Variants in CEP192 observed in about 807,000 individuals in gnomAD.
The protein encoded by CEP192 is centrosomal protein 192, also known as centrosomal protein of 192 kDa.
In CEP192, 151 loss-of-function variants were observed where a neutral mutation model predicts 271.8. The ratio of observed to expected loss-of-function variants is 0.56; its 90% CI spans 0.49 to 0.64. The LOEUF (loss-of-function observed/expected upper bound fraction) is 0.64. Ranked by LOEUF, CEP192 falls within the 30% of genes least tolerant of loss-of-function variation. The pLI is 0.00. For missense variants in CEP192, 2,910 were observed against 3,020.5 expected (o/e 0.96, Z 0.86); for synonymous variants, 995 against 1,076.5 (o/e 0.92, Z 1.48).
At chr18:13,003,458 A>G (rs1483557722) in intron 3 of CEP192, among the ~76,000 whole-genome samples, 1 of 147,210 alleles carries the variant, frequency 6.8e-6, no homozygotes, top group Non-Finnish European at 1.5e-5. Context: ...CAAGAAAAAA[A>G]AAAAAAAAAA....
intron 9 of CEP192, chr18:13,024,333 T>C (rs1414542513): frequency 6.6e-6 from 3 of 456,382 alleles, no homozygotes; most frequent in African/African-American, 2.0e-5. Flanking sequence ...GACTAGTGTT[T>C]TAATGGTATA....
At chr18:13,101,115 C>T (rs2039683479) in intron 38 of CEP192, among the ~76,000 whole-genome samples, 1 of 152,056 alleles carries the variant, frequency 6.6e-6, no homozygotes, top group Non-Finnish European at 1.5e-5. Context: ...GGTGCTGCAC[C>T]CTCTTGTGAT....
chr18:13,087,325 T>G (rs762593102), intron 31 of CEP192, 48 bp downstream of exon 31: 1 of 1,469,574 alleles, frequency 6.8e-7, no homozygotes, highest in Admixed American at 2.1e-5. Context: ...ATTTTAAAAT[T>G]GTTAATAATT....
rs773297318 is a variant in CEP192 at position 13,008,410 on chromosome 18, CAAGGTAACT to C, written c.291-43_291-35del. The stretch of plus-strand genomic sequence containing the variant: ...TTAATAAATATTTTGTAGATTTACC[CAAGGTAACT>C]AACATTTTATCATTCTTCTGTTTCC... On this transcript the variant is annotated intron_variant, in intron 3 of 44. Transcript: ENST00000506447. The C allele has an allele frequency of 7.1e-4, 904 of 1,280,702 alleles. 1 individual carries two copies. The highest frequency in any genetic ancestry group is 2.5e-3 in the Middle Eastern group (10 of 3,984). 79.3% of individuals were successfully genotyped at this position (1,280,702 alleles called of 1,614,324 possible). A position where few individuals can be genotyped will look rare whatever the true frequency, so the allele number is the denominator to read the frequency against.
At chr18:13,065,241 A>T (rs1465359532) in intron 21 of CEP192, among the ~76,000 whole-genome samples, 1 of 151,840 alleles carries the variant, frequency 6.6e-6, no homozygotes, top group Non-Finnish European at 1.5e-5. Context: ...TCACCATGGG[A>T]TGTAAATTCA....
At chr18:13,088,967 C>A in intron 32 of CEP192, 1 of 400,412 alleles carries the variant, frequency 2.5e-6, no homozygotes, top group South Asian at 1.9e-5. Context: ...TTTTCAAACT[C>A]TTTGCCATAA....
At chr18:13,025,801 G>A (rs551421115) in intron 9 of CEP192, among the ~76,000 whole-genome samples, 1 of 151,914 alleles carries the variant, frequency 6.6e-6, no homozygotes, top group African/African-American at 2.4e-5. Flanking sequence ...ATGTGTGTCT[G>A]TATATAGACA....
At chr18:13,047,046 A>G (rs1019609284) in intron 15 of CEP192, among the ~76,000 whole-genome samples, 38 of 152,072 alleles carry the variant, frequency 2.5e-4, no homozygotes, top group Admixed American at 6.6e-4. Context: ...GTTTTTATCC[A>G]TCTTACTGTG....
intron 39 of CEP192, among the ~76,000 whole-genome samples, chr18:13,104,719 A>G (rs1240288943): frequency 6.6e-6 from 1 of 152,248 alleles, no homozygotes; most frequent in East Asian, 1.9e-4. Flanking sequence ...GTTTGACATT[A>G]TGAGCCTCAC....
chr18:12,993,397 A>G (rs1378947213), intron 1 of CEP192, among the ~76,000 whole-genome samples: 1 of 152,226 alleles, frequency 6.6e-6, no homozygotes, highest in Admixed American at 6.5e-5. Context: ...CCCTTGCCCC[A>G]GGATGCCAGA....
intron 38 of CEP192, among the ~76,000 whole-genome samples, chr18:13,102,660 G>A (rs1281475280): frequency 6.6e-6 from 1 of 152,144 alleles, no homozygotes; most frequent in African/African-American, 2.4e-5. Flanking sequence ...GGACTTCTCC[G>A]TGCAGCTGCT....
chr18:13,101,679 T>C (rs2039712615), intron 38 of CEP192, among the ~76,000 whole-genome samples: 1 of 152,098 alleles, frequency 6.6e-6, no homozygotes, highest in Admixed American at 6.5e-5. Flanking sequence ...CCTGCTTCCA[T>C]GGTCTCCCTC....
chr18:13,074,058 T>C (rs2038147150), intron 30 of CEP192, among the ~76,000 whole-genome samples: 1 of 152,156 alleles, frequency 6.6e-6, no homozygotes, highest in African/African-American at 2.4e-5. Flanking sequence ...GGCAAGGCAG[T>C]CAGAAGAAAC....
intron 33 of CEP192, among the ~76,000 whole-genome samples, chr18:13,090,544 G>T (rs899630115): frequency 3.3e-5 from 5 of 152,100 alleles, no homozygotes; most frequent in African/African-American, 9.7e-5. Context: ...GTGATGAAAG[G>T]ATATTTATGC....
At position 13,037,227 on chromosome 18, in the gene CEP192, C is replaced by G. The variant is rs1016184334; in HGVS notation, c.1535-10C>G. 8.4e-7 allele frequency: 1 copy of G among 1,188,134 alleles called. No homozygotes were observed. Among genetic ancestry groups the G allele is most frequent in the African/African-American group, 1.5e-5 (1 of 65,832 alleles). The allele number at this position is 1,188,134 out of a possible 1,614,324, so 73.6% of individuals were successfully genotyped here. ...AGTGTAATGTATTTATATAAACATT[C>G]TTTTTTAAGCTGAAGCATTTGATTT... On this transcript the variant is annotated splice_polypyrimidine_tract_variant and intron_variant, in intron 11 of 44. Transcript: ENST00000506447.
Position 13,055,906 on chromosome 18 carries a change from T to C in CEP192, c.3316T>C (p.Ser1106Pro). ...GAATAGAGGAAAAGGAACATTATCA[T>C]CTATTATCCAGAATAACTCTGATAC... is the stretch of plus-strand genomic sequence containing the variant. ...FQNRGKGTLS[S>P]IIQNNSDTRK... The change falls in exon 19 of 45, where the codon TCT becomes CCT. Residue 1106 changes from serine (S) to proline (P), a missense_variant. By Grantham distance (74) the Ser-to-Pro change is moderately conservative (BLOSUM62 -1). Transcript: ENST00000506447. 1.2e-6 allele frequency: 2 copies of C among 1,614,056 alleles called. No homozygotes were observed. Among genetic ancestry groups the C allele is most frequent in the Non-Finnish European group, 1.7e-6 (2 of 1,179,980 alleles).
chr18:13,071,943 C>T (rs1021242067), intron 28 of CEP192, among the ~76,000 whole-genome samples: 1 of 152,158 alleles, frequency 6.6e-6, no homozygotes. Flanking sequence ...AAAATGATAA[C>T]CACAGTGCTT....
At chr18:13,054,455 T>C (rs59483039) in intron 18 of CEP192, among the ~76,000 whole-genome samples, 6,647 of 152,296 alleles carry the variant, frequency 0.044, 217 homozygotes, top group East Asian at 0.14. Context: ...CACAGCGTAG[T>C]GTGAGAGCAT....
At chr18:13,040,989 CTT>C in intron 14 of CEP192, 33 bp downstream of exon 14, 2 of 1,572,458 alleles carry the variant, frequency 1.3e-6, no homozygotes, top group Non-Finnish European at 1.7e-6. Flanking sequence ...TTTTAGGAAT[CTT>C]TTTTTTCTTA....
Sources: gnomAD v4.1 joint callset for allele counts (sites outside exome capture counted in the v4.1 genomes callset) on GRCh38, gnomAD v4.1.1 for gene constraint, MANE v1.5 for transcripts, NCBI Gene and HGNC (gene_info 2026-07-23, HGNC 2026-07-21) for gene names.